Variants in LRRC8B observed in about 807,000 individuals in gnomAD.
The protein encoded by LRRC8B is leucine rich repeat containing 8 VRAC subunit B, also known as volume-regulated anion channel subunit LRRC8B.
LRRC8B carries 23 observed loss-of-function variants against 58.8 expected under a neutral mutation model. The observed-to-expected ratio is 0.39, with a 90% CI of 0.28 to 0.55. The LOEUF is 0.55. LRRC8B is among the 20% of genes least tolerant of loss of function. The probability of loss-of-function intolerance (pLI) is 0.62; values close to 1 mark genes in which losing one functional copy is unlikely to be tolerated. For missense variants in LRRC8B, 694 were observed against 936.0 expected (o/e 0.74, Z 3.37); for synonymous variants, 359 against 374.1 (o/e 0.96, Z 0.47).
intron 1 of LRRC8B, among the ~76,000 whole-genome samples, chr1:89,534,640 G>A (rs555969144): frequency 1.3e-5 from 2 of 152,194 alleles, no homozygotes; most frequent in South Asian, 2.1e-4. Flanking sequence ...ACTAGTACAC[G>A]ATTGACCAGA....
At chr1:89,578,921 A>G (rs185323659) in intron 3 of LRRC8B, among the ~76,000 whole-genome samples, 5 of 152,318 alleles carry the variant, frequency 3.3e-5, no homozygotes, top group Admixed American at 3.3e-4. Context: ...AAATTAAACA[A>G]ATCTAATATA....
At chr1:89,548,914 A>G (rs1405560816) in intron 1 of LRRC8B, among the ~76,000 whole-genome samples, 3 of 152,192 alleles carry the variant, frequency 2.0e-5, no homozygotes, top group South Asian at 2.1e-4. Flanking sequence ...GTATAAATAC[A>G]ATAGAAGTCA....
At chr1:89,544,722 C>A (rs934277085) in intron 1 of LRRC8B, among the ~76,000 whole-genome samples, 1 of 152,130 alleles carries the variant, frequency 6.6e-6, no homozygotes, top group African/African-American at 2.4e-5. Context: ...ATCCATCTAT[C>A]CTCTTTTCTA....
At chr1:89,552,897 C>T (rs1257949675) in intron 1 of LRRC8B, among the ~76,000 whole-genome samples, 1 of 152,132 alleles carries the variant, frequency 6.6e-6, no homozygotes, top group Non-Finnish European at 1.5e-5. Context: ...ATTGTTGTTT[C>T]CAAGGGAATT....
chr1:89,550,683 C>T lies in LRRC8B; in HGVS notation c.-240-17564C>T, dbSNP rs1017804662. The stretch of plus-strand genomic sequence containing the variant: ...TATTAACTAGCACTTTATAACAGAG[C>T]CTTTCACCAGCCCAACTTTACTGCT... On this transcript the variant is annotated intron_variant, in intron 1 of 5. Coordinates refer to ENST00000330947, the MANE Select transcript of LRRC8B (RefSeq NM_001369817.2). Among the ~76,000 whole-genome samples, 8 of 152,172 alleles carry T rather than the reference C, an allele frequency of 5.3e-5. No individual in the cohort carries two copies. The East Asian group carries it at 1.5e-3, about 29-fold the overall frequency.
intron 3 of LRRC8B, among the ~76,000 whole-genome samples, chr1:89,575,183 C>G (rs1362617968): frequency 6.6e-6 from 1 of 152,194 alleles, no homozygotes; most frequent in Non-Finnish European, 1.5e-5. Flanking sequence ...CTCTTTGCCA[C>G]TCCTCCTATT....
chr1:89,550,834 A>G (rs562807081), intron 1 of LRRC8B, among the ~76,000 whole-genome samples: 4 of 152,294 alleles, frequency 2.6e-5, no homozygotes, highest in South Asian at 2.1e-4. Context: ...GAATGACTGC[A>G]GTAGGTTCCT....
intron 1 of LRRC8B, among the ~76,000 whole-genome samples, chr1:89,565,096 A>G (rs910691206): frequency 6.6e-6 from 1 of 152,208 alleles, no homozygotes; most frequent in South Asian, 2.1e-4. Context: ...GAATTAGAAC[A>G]TTTATGAAGC....
chr1:89,545,604 C>G (rs1466877739), intron 1 of LRRC8B, among the ~76,000 whole-genome samples: 1 of 152,184 alleles, frequency 6.6e-6, no homozygotes, highest in Admixed American at 6.5e-5. Context: ...TTAATAAACT[C>G]TATAAAACCA....
chr1:89,540,367 T>G (rs907197607), intron 1 of LRRC8B, among the ~76,000 whole-genome samples: 9 of 152,234 alleles, frequency 5.9e-5, no homozygotes, highest in African/African-American at 2.2e-4. Context: ...CCTATGTGGC[T>G]CTTTTCTTTT....
chr1:89,529,244 T>A (rs2100773799), intron 1 of LRRC8B, among the ~76,000 whole-genome samples: 1 of 152,352 alleles, frequency 6.6e-6, no homozygotes, highest in East Asian at 1.9e-4. Context: ...CTAGTTTCCC[T>A]GCTACAACAT....
At chr1:89,565,716 CA>C (rs1652993606) in intron 1 of LRRC8B, among the ~76,000 whole-genome samples, 2 of 152,170 alleles carry the variant, frequency 1.3e-5, no homozygotes, top group African/African-American at 4.8e-5. Context: ...TTCATTTACT[CA>C]ACAATGATTT....
chr1:89,588,063 C>G (rs1232056811), intron 5 of LRRC8B: 2 of 152,146 alleles, frequency 1.3e-5, no homozygotes, highest in African/African-American at 4.8e-5. Flanking sequence ...CTAATGAATG[C>G]CCACATTGTG....
chr1:89,573,344 T>G (rs1349926437), intron 3 of LRRC8B, among the ~76,000 whole-genome samples: 1 of 152,012 alleles, frequency 6.6e-6, no homozygotes, highest in Non-Finnish European at 1.5e-5. Flanking sequence ...TCATTAGGAT[T>G]TCTAGAATTT....
At position 89,593,494 on chromosome 1, in the gene LRRC8B, A is replaced by G. The variant is rs189604096; in HGVS notation, c.*451A>G. 1.2e-4 allele frequency: 19 copies of G among 154,858 alleles called. No homozygotes were observed. Among genetic ancestry groups the G allele is most frequent in the African/African-American group, 4.3e-4 (18 of 41,588 alleles). 9.6% of individuals were successfully genotyped at this position (154,858 alleles called of 1,614,324 possible). ...CCATAACTAAATGTCTTATTAAAGCAACTGAGTGTCTAGCCCTAAATTAAC... is the reference window on the plus strand; with the variant it reads ...CCATAACTAAATGTCTTATTAAAGCGACTGAGTGTCTAGCCCTAAATTAAC... On this transcript the variant is annotated 3_prime_UTR_variant, in exon 6 of 6. Transcript: ENST00000330947.
chr1:89,564,083 G>A (rs1422626642), intron 1 of LRRC8B, among the ~76,000 whole-genome samples: 3 of 152,190 alleles, frequency 2.0e-5, no homozygotes, highest in African/African-American at 7.2e-5. Context: ...ATGTCTGGAA[G>A]AAAAGCCATG....
rs184844069 is a variant in LRRC8B, at chr1:89,585,364, A to G, written c.2139+575A>G. On this transcript the variant is annotated intron_variant, in intron 5 of 5. Coordinates refer to ENST00000330947, the MANE Select transcript of LRRC8B (RefSeq NM_001369817.2). Reference sequence around the variant, plus strand: ...TTCTTAGAAGCTTTTTCCAGGATCCATGCTTTAGAATGAACCAAATTTGCA... The same window carrying G: ...TTCTTAGAAGCTTTTTCCAGGATCCGTGCTTTAGAATGAACCAAATTTGCA... Among the ~76,000 whole-genome samples, 19 of 152,330 alleles carry G rather than the reference A, an allele frequency of 1.2e-4. No homozygotes were observed. The East Asian group carries it at 3.1e-3, about 25-fold the overall frequency.
chr1:89,572,523 T>A (rs1653542730), intron 3 of LRRC8B: 1 of 152,218 alleles, frequency 6.6e-6, no homozygotes, highest in Non-Finnish European at 1.5e-5. Context: ...CCCATATTTC[T>A]TGGAGGCTTT....
At chr1:89,576,805 TACAAAGGGACATAAGGAA>T (rs1469902221) in intron 3 of LRRC8B, among the ~76,000 whole-genome samples, 2 of 152,186 alleles carry the variant, frequency 1.3e-5, no homozygotes, top group Non-Finnish European at 2.9e-5. Flanking sequence ...TTGAAAGAAC[TACAAAGGGACATAAGGAA>T]ACTAGTATAT....
Sources: allele counts gnomAD v4.1 joint callset (sites outside exome capture counted in the v4.1 genomes callset), GRCh38; gene constraint gnomAD v4.1.1; transcripts MANE v1.5; gene names NCBI Gene and HGNC (gene_info 2026-07-23, HGNC 2026-07-21).